Variants in C9orf153 observed in about 807,000 individuals in gnomAD.
The protein encoded by C9orf153 is chromosome 9 open reading frame 153, also known as uncharacterized protein C9orf153.
In C9orf153, 10 loss-of-function variants were observed where a neutral mutation model predicts 9.0. The observed-to-expected ratio is 1.11, with a 90% CI of 0.69 to 1.89. The LOEUF is 1.89. C9orf153 is among the 40% of genes most tolerant of loss of function. C9orf153 has a pLI of 0.00. For synonymous variants in C9orf153, 35 were observed against 37.3 expected, an observed-to-expected ratio of 0.94 and a Z score of 0.23; for missense variants, 108 against 111.0, an observed-to-expected ratio of 0.97 and a Z score of 0.12.
At chr9:86,233,209 A>T (rs887055098) in intron 1 of C9orf153, among the ~76,000 whole-genome samples, 1 of 152,072 alleles carries the variant, frequency 6.6e-6, no homozygotes, top group Admixed American at 6.6e-5. Context: ...TGGGGTAATA[A>T]TGCAACTTCT....
At chr9:86,245,506 T>C (rs1314081171) in intron 1 of C9orf153, among the ~76,000 whole-genome samples, 1 of 152,134 alleles carries the variant, frequency 6.6e-6, no homozygotes, top group Non-Finnish European at 1.5e-5. Context: ...TCATACAATA[T>C]TGGTTTCTTG....
chr9:86,221,499 A>C lies in C9orf153; in HGVS notation c.*189T>G, dbSNP rs1248812564. ...CGTCCAAAATATTTTAATACACTAC[A>C]TATTCCATTTAAGAGAATAACTTCC... is the stretch of plus-strand genomic sequence containing the variant. On this transcript the variant is annotated 3_prime_UTR_variant, in exon 4 of 4. Coordinates refer to ENST00000339137, the MANE Select transcript of C9orf153 (RefSeq NM_001276366.4). 4 of 1,351,754 alleles carry C rather than the reference A, an allele frequency of 3.0e-6. No individual in the cohort carries two copies. The highest frequency in any genetic ancestry group is 3.8e-6 in the Non-Finnish European group (4 of 1,051,936). 83.7% of individuals were successfully genotyped at this position (1,351,754 alleles called of 1,614,324 possible).
At chr9:86,258,061 A>T (rs1564005863) in intron 1 of C9orf153, among the ~76,000 whole-genome samples, 1 of 152,162 alleles carries the variant, frequency 6.6e-6, no homozygotes. Context: ...AAATTTTTGT[A>T]GGACGGGTGC....
chr9:86,254,024 G>A (rs1217835502), intron 1 of C9orf153, among the ~76,000 whole-genome samples: 3 of 148,268 alleles, frequency 2.0e-5, no homozygotes, highest in African/African-American at 7.5e-5. Context: ...CTGGGAGGCA[G>A]AGGTTGCAGT....
At chr9:86,254,048 G>C (rs553579124) in intron 1 of C9orf153, among the ~76,000 whole-genome samples, 4 of 143,866 alleles carry the variant, frequency 2.8e-5, no homozygotes, top group Non-Finnish European at 4.5e-5. Context: ...CCGAGATTGC[G>C]CCATTGCACT....
intron 3 of C9orf153, among the ~76,000 whole-genome samples, chr9:86,223,815 C>A (rs1030778401): frequency 6.6e-6 from 1 of 152,116 alleles, no homozygotes; most frequent in African/African-American, 2.4e-5. Flanking sequence ...GACATGAAAA[C>A]AAAAGCTACA....
chr9:86,225,302 C>T (rs201956473), intron 3 of C9orf153, among the ~76,000 whole-genome samples: 1 of 152,144 alleles, frequency 6.6e-6, no homozygotes, highest in African/African-American at 2.4e-5. Flanking sequence ...TCCTGCCTGA[C>T]TCCATGCACT....
At position 86,236,548 on chromosome 9, in the gene C9orf153, CAAAAAAAAAA is replaced by C. The variant is rs976982879; in HGVS notation, c.-26-6929_-26-6920del. 7.6e-5 allele frequency among the ~76,000 whole-genome samples: 5 copies of C among 65,370 alleles called. No individual in the cohort carries two copies. The Admixed American group carries it at 1.0e-3, about 13-fold the overall frequency. 42.9% of individuals were successfully genotyped at this position (65,370 alleles called of 152,430 possible). Reference sequence around the variant, plus strand: ...TGGGTGACAGGGCGAGACTCCATCTCAAAAAAAAAAAAAAAAAAAGAAAAGAAAAATAGAG... The same window carrying C: ...TGGGTGACAGGGCGAGACTCCATCTCAAAAAAAAAGAAAAGAAAAATAGAG... On this transcript the variant is annotated intron_variant, in intron 1 of 3. Coordinates refer to ENST00000339137, the MANE Select transcript of C9orf153 (RefSeq NM_001276366.4).
chr9:86,227,280 G>A (rs1203493487), intron 3 of C9orf153: 3 of 1,399,814 alleles, frequency 2.1e-6, no homozygotes, highest in Non-Finnish European at 1.8e-6. Context: ...TCGGGTAGCC[G>A]AGATTACAGG....
At chr9:86,243,282 G>A (rs539965181) in intron 1 of C9orf153, among the ~76,000 whole-genome samples, 19 of 152,098 alleles carry the variant, frequency 1.2e-4, no homozygotes, top group Non-Finnish European at 2.6e-4. Flanking sequence ...AGTGGGCATA[G>A]GGGATTTTCT....
chr9:86,253,368 G>T (rs1019035978), intron 1 of C9orf153, among the ~76,000 whole-genome samples: 8 of 152,162 alleles, frequency 5.3e-5, no homozygotes, highest in African/African-American at 1.9e-4. Context: ...GTTACTTTCT[G>T]ACAGGTCCAA....
At chr9:86,231,509 AT>A (rs1354205041) in intron 1 of C9orf153, among the ~76,000 whole-genome samples, 1 of 151,952 alleles carries the variant, frequency 6.6e-6, no homozygotes, top group East Asian at 1.9e-4. Context: ...GAAAACAATT[AT>A]GTTTCTCTTC....
chr9:86,221,857 C>T lies in C9orf153; in HGVS notation c.243-124G>A, dbSNP rs189238512. ...CGAGTCCCCTCTTTCTGGCAGAAAG[C>T]CATTTCTAAAGCTTTATTTTTAATT... is the stretch of plus-strand genomic sequence containing the variant. On this transcript the variant is annotated intron_variant, in intron 3 of 3. Transcript: ENST00000339137. 65 of 548,630 alleles carry T rather than the reference C, an allele frequency of 1.2e-4. No individual in the cohort carries two copies. The East Asian group carries it at 2.0e-3, about 17-fold the overall frequency. 34.0% of individuals were successfully genotyped at this position (548,630 alleles called of 1,614,324 possible). A position where few individuals can be genotyped will look rare whatever the true frequency, so the allele number is the denominator to read the frequency against.
chr9:86,253,874 G>T (rs1825048580), intron 1 of C9orf153, among the ~76,000 whole-genome samples: 2 of 152,084 alleles, frequency 1.3e-5, no homozygotes, highest in Non-Finnish European at 2.9e-5. Flanking sequence ...GGCAGATCAT[G>T]AGGTCAGGAG....
At chr9:86,251,947 G>A (rs1825005721) in intron 1 of C9orf153, among the ~76,000 whole-genome samples, 1 of 68,424 alleles carries the variant, frequency 1.5e-5, no homozygotes, top group Admixed American at 1.4e-4. Flanking sequence ...ACACACGAGA[G>A]AGAGAGAGGA....
chr9:86,258,126 G>C (rs576478981), intron 1 of C9orf153, among the ~76,000 whole-genome samples: 1 of 152,054 alleles, frequency 6.6e-6, no homozygotes. Flanking sequence ...AGCAGATCAC[G>C]GGGTCAGGAG....
At chr9:86,237,900 G>A (rs1246819979) in intron 1 of C9orf153, among the ~76,000 whole-genome samples, 6 of 152,074 alleles carry the variant, frequency 3.9e-5, no homozygotes, top group Non-Finnish European at 5.9e-5. Flanking sequence ...CCAACATGGC[G>A]AAACCCTGTC....
intron 1 of C9orf153, among the ~76,000 whole-genome samples, chr9:86,254,251 C>A (rs1052499412): frequency 8.5e-5 from 13 of 152,050 alleles, no homozygotes; most frequent in African/African-American, 3.1e-4. Flanking sequence ...ATTGTTTTTG[C>A]GTTTTTATTA....
rs1483920665 is a variant in C9orf153, at chr9:86,220,484, T to C, written c.*1204A>G. On this transcript the variant is annotated 3_prime_UTR_variant, in exon 4 of 4. Transcript: ENST00000339137. ...TACTCCTCAGAGAGAGTTTGGCTGC[T>C]TATAGAATTACAGACAGCTATTTTC... is the stretch of plus-strand genomic sequence containing the variant. The C allele has an allele frequency of 6.6e-6, 1 of 152,236 alleles. No individual in the cohort carries two copies. The highest frequency in any genetic ancestry group is 1.5e-5 in the Non-Finnish European group (1 of 68,036). 9.4% of individuals were successfully genotyped at this position (152,236 alleles called of 1,614,324 possible).
Sources: allele counts gnomAD v4.1 joint callset (sites outside exome capture counted in the v4.1 genomes callset), GRCh38; gene constraint gnomAD v4.1.1; transcripts MANE v1.5; gene names NCBI Gene and HGNC (gene_info 2026-07-23, HGNC 2026-07-21).